Variants in ENTPD1 observed in about 807,000 individuals in gnomAD.
ENTPD1 encodes ectonucleoside triphosphate diphosphohydrolase 1, also known as ATP diphosphohydrolase.
Under a neutral mutation model 57.0 loss-of-function variants are expected in ENTPD1, and 33 were observed. The ratio of observed to expected loss-of-function variants is 0.58; its 90% CI spans 0.44 to 0.77. The LOEUF is 0.77. Among genes scored for constraint, ENTPD1 ranks in the 30% least tolerant of loss-of-function variants. ENTPD1 has a pLI of 0.00. For missense variants in ENTPD1, 501 were observed against 603.4 expected, an observed-to-expected ratio of 0.83 and a Z score of 1.78; for synonymous variants, 202 against 218.8, an observed-to-expected ratio of 0.92 and a Z score of 0.68.
intron 4 of ENTPD1, among the ~76,000 whole-genome samples, chr10:95,843,721 G>T (rs2098427170): frequency 6.6e-6 from 1 of 152,206 alleles, no homozygotes; most frequent in African/African-American, 2.4e-5. Flanking sequence ...AGATGGATTG[G>T]AGGGGAGAAA....
chr10:95,753,187 A>C (rs2098014895), upstream of ENTPD1: 1 of 152,192 alleles, frequency 6.6e-6, no homozygotes, highest in African/African-American at 2.4e-5. Flanking sequence ...AAAAACAATA[A>C]AATTGATGAT....
At chr10:95,864,934 A>G (rs2098471508) in intron 9 of ENTPD1, 73 bp downstream of exon 9, 1 of 1,542,162 alleles carries the variant, frequency 6.5e-7, no homozygotes, top group Non-Finnish European at 8.8e-7. Flanking sequence ...TTGGGGCTTG[A>G]AAAAGGGGGG....
intron 1 of ENTPD1, among the ~76,000 whole-genome samples, chr10:95,724,816 A>C (rs1303700905): frequency 1.3e-5 from 2 of 152,212 alleles, no homozygotes; most frequent in African/African-American, 4.8e-5. Context: ...TGCAAGATTT[A>C]ATAGAGTGAA....
chr10:95,758,239 G>T (rs2098038895), intron 1 of ENTPD1, among the ~76,000 whole-genome samples: 1 of 152,036 alleles, frequency 6.6e-6, no homozygotes. Flanking sequence ...TTCCCCTTTA[G>T]TCTGGAGCCG....
At chr10:95,810,052 C>A (rs1288734820) in intron 1 of ENTPD1, among the ~76,000 whole-genome samples, 2 of 142,882 alleles carry the variant, frequency 1.4e-5, no homozygotes, top group East Asian at 4.1e-4. Flanking sequence ...GCACTCCTCA[C>A]TTCCCAGACA....
chr10:95,738,500 T>A (rs1398145579), intron 1 of ENTPD1, among the ~76,000 whole-genome samples: 2 of 152,090 alleles, frequency 1.3e-5, no homozygotes, highest in Non-Finnish European at 2.9e-5. Flanking sequence ...GCACCAAAGC[T>A]GGATATAGTG....
intron 1 of ENTPD1, among the ~76,000 whole-genome samples, chr10:95,818,491 A>T (rs2098337570): frequency 6.6e-6 from 1 of 152,200 alleles, no homozygotes; most frequent in Admixed American, 6.5e-5. Flanking sequence ...CTATAGCCAC[A>T]TGAAGGAGGG....
Position 95,828,959 on chromosome 10 carries a change from C to T in ENTPD1, c.144+5595C>T, listed in dbSNP as rs538073626. Among the ~76,000 whole-genome samples the T allele has an allele frequency of 9.9e-5, 15 of 152,270 alleles. No homozygotes were observed. In the South Asian group the frequency reaches 3.1e-3, roughly 32 times the overall value. ...CTCCCGACCTCAGTTGATCTGCCCG[C>T]CTCGGCCTCCCAAAGTGCTGGGATT... On this transcript the variant is annotated intron_variant, in intron 2 of 9. Coordinates refer to ENST00000371205, the MANE Select transcript of ENTPD1 (RefSeq NM_001776.6).
intron 1 of ENTPD1, among the ~76,000 whole-genome samples, chr10:95,767,314 C>CAAAAA (rs1160221654): frequency 4.4e-5 from 3 of 68,112 alleles, no homozygotes; most frequent in Non-Finnish European, 5.8e-5. Context: ...GACTCCATCT[C>CAAAAA]AAAAAAAAAA....
chr10:95,751,437 G>A (rs2098011823), upstream of ENTPD1, among the ~76,000 whole-genome samples: 1 of 152,048 alleles, frequency 6.6e-6, no homozygotes, highest in Non-Finnish European at 1.5e-5. Context: ...TCTAATGTAG[G>A]GGTTGGGCGC....
At chr10:95,696,408 G>T in the ENTPD1 span, among the ~76,000 whole-genome samples, 1 of 152,024 alleles carries the variant, frequency 6.6e-6, no homozygotes, top group Non-Finnish European at 1.5e-5. Context: ...AGCCTCCCTA[G>T]TAGCTGGGAC....
Position 95,770,227 on chromosome 10 carries a change from TTGAGAGAG to T in ENTPD1, c.16+13973_16+13980del, listed in dbSNP as rs762805649. ...TAGGAAGAGAAACCGTCCAAGAAGATTGAGAGAGAGAGAGAGAGTGAGTGAGTGAGTGT... is the reference window on the plus strand; with the variant it reads ...TAGGAAGAGAAACCGTCCAAGAAGATAGAGAGAGAGTGAGTGAGTGAGTGT... On this transcript the variant is annotated intron_variant, in intron 1 of 9. Coordinates refer to ENST00000371205, the MANE Select transcript of ENTPD1 (RefSeq NM_001776.6). Among the ~76,000 whole-genome samples, 8 of 141,486 alleles carry T rather than the reference TTGAGAGAG, an allele frequency of 5.7e-5. 1 individual carries two copies. Among genetic ancestry groups the T allele is most frequent in the South Asian group, 4.6e-4 (2 of 4,388 alleles). The allele number at this position is 141,486 out of a possible 152,430, so 92.8% of individuals were successfully genotyped here. A position where few individuals can be genotyped will look rare whatever the true frequency, so the allele number is the denominator to read the frequency against.
At chr10:95,864,594 G>A (rs1024420104) in intron 8 of ENTPD1, 130 bp from the exon 9 acceptor site, 43 of 1,279,748 alleles carry the variant, frequency 3.4e-5, no homozygotes, top group Admixed American at 8.8e-5. Context: ...AAACCCTCTG[G>A]AAGAGGCCAA....
At chr10:95,828,947 T>C (rs374589863) in intron 2 of ENTPD1, among the ~76,000 whole-genome samples, 5 of 152,032 alleles carry the variant, frequency 3.3e-5, no homozygotes, top group South Asian at 4.1e-4. Context: ...CCGACCTCAG[T>C]TGATCTGCCC....
the ENTPD1 span, among the ~76,000 whole-genome samples, chr10:95,705,688 C>T: frequency 6.6e-5 from 10 of 152,274 alleles, no homozygotes; most frequent in African/African-American, 2.2e-4. Context: ...GATGGGGTTT[C>T]GCCATTTTGG....
Position 95,845,585 on chromosome 10 carries a change from A to G in ENTPD1, c.802A>G (p.Lys268Glu). Residue 268 changes from lysine (K) to glutamate (E), a missense_variant, in exon 6 of 10, where the codon AAG (lysine) becomes GAG (glutamate). Lys to Glu is a moderately conservative substitution (Grantham distance 56, BLOSUM62 1). Transcript: ENST00000371205. The part of the protein sequence containing the change: ...KDQALWQKLA[K>E]DIQVASNEIL... Reference sequence around the variant, plus strand: ...TCAGGCACTCTGGCAGAAACTGGCCAAGGACATTCAGGCAAGTATAACTCA... The same window carrying G: ...TCAGGCACTCTGGCAGAAACTGGCCGAGGACATTCAGGCAAGTATAACTCA... 1 of 1,614,230 alleles carries G rather than the reference A, an allele frequency of 6.2e-7. No homozygotes were observed. Among genetic ancestry groups the G allele is most frequent in the Non-Finnish European group, 8.5e-7 (1 of 1,180,034 alleles).
At chr10:95,784,785 A>G (rs2098172345) in intron 1 of ENTPD1, among the ~76,000 whole-genome samples, 1 of 152,148 alleles carries the variant, frequency 6.6e-6, no homozygotes, top group African/African-American at 2.4e-5. Context: ...TAGTGGCAAG[A>G]TATGAGCATT....
chr10:95,704,719 C>CAA, the ENTPD1 span, among the ~76,000 whole-genome samples: 1 of 151,968 alleles, frequency 6.6e-6, no homozygotes, highest in African/African-American at 2.4e-5. Context: ...CTGAGGTAGG[C>CAA]AAAGGGTTTT....
intron 1 of ENTPD1, among the ~76,000 whole-genome samples, chr10:95,782,820 G>A (rs2098163210): frequency 6.6e-6 from 1 of 152,114 alleles, no homozygotes. Context: ...TGCGTTTTCA[G>A]CTCCTGGTCA....
Sources: gnomAD v4.1 joint callset for allele counts (sites outside exome capture counted in the v4.1 genomes callset) on GRCh38, gnomAD v4.1.1 for gene constraint, MANE v1.5 for transcripts, NCBI Gene and HGNC (gene_info 2026-07-23, HGNC 2026-07-21) for gene names.